ZNF564: variants seen among roughly 807,000 people sequenced by gnomAD.
ZNF564 encodes the protein zinc finger protein 564.
ZNF564 carries 5 observed loss-of-function variants against 10.5 expected under a neutral mutation model. The ratio of observed to expected loss-of-function variants is 0.48; its 90% CI spans 0.25 to 1.00. ZNF564 has a LOEUF of 1.00. Among genes scored for constraint, ZNF564 ranks in the 50% least tolerant of loss-of-function variants. ZNF564 has a pLI of 0.16. For synonymous variants in ZNF564, 242 were observed against 218.1 expected (o/e 1.11, Z -0.97); for missense variants, 603 against 669.7 (o/e 0.90, Z 1.10).
intron 1 of ZNF564, among the ~76,000 whole-genome samples, chr19:12,539,642 T>C (rs1344834477): frequency 6.9e-6 from 1 of 144,620 alleles, no homozygotes; most frequent in Non-Finnish European, 1.5e-5. Flanking sequence ...CACTCCAGCC[T>C]GGGCGACAGA....
chr19:12,538,212 G>A (rs1023973843), intron 1 of ZNF564, among the ~76,000 whole-genome samples: 6 of 151,772 alleles, frequency 4.0e-5, no homozygotes, highest in South Asian at 2.1e-4. Flanking sequence ...ATATTAGCTC[G>A]GTGCAGTGGC....
Position 12,525,845 on chromosome 19 carries a change from T to TAGTG in ZNF564, c.*600_*601insCACT, listed in dbSNP as rs1389756744. 6.6e-6 allele frequency: 1 copy of TAGTG among 152,460 alleles called. No homozygotes were observed. The highest frequency in any genetic ancestry group is 1.5e-5 in the Non-Finnish European group (1 of 68,282). 9.4% of individuals were successfully genotyped at this position (152,460 alleles called of 1,614,324 possible). ...GGTTCAAAGATAGCTATCTTCTCAC[T>TAGTG]GCACCCTCTCATGGTGAAGGGCAAA... On this transcript the variant is annotated 3_prime_UTR_variant, in exon 4 of 4. Coordinates refer to ENST00000339282, the MANE Select transcript of ZNF564 (RefSeq NM_144976.4).
chr19:12,548,064 T>G, intron 1 of ZNF564: 1 of 699,704 alleles, frequency 1.4e-6, no homozygotes, highest in Non-Finnish European at 1.8e-6. Flanking sequence ...CACCTCAGCC[T>G]CCCAAAGGGC....
rs937910989 is a variant in ZNF564 at position 12,527,296 on chromosome 19, T to C, written c.812A>G (p.His271Arg). Residue 271 changes from histidine (H) to arginine (R), a missense_variant, in exon 4 of 4, where the codon CAT becomes CGT. His to Arg is a conservative substitution (Grantham distance 29, BLOSUM62 0). Coordinates refer to ENST00000339282, the MANE Select transcript of ZNF564 (RefSeq NM_144976.4). ...AFDRPSLFRI[H>R]ERTHTGEKPH... ...TTTCTCTCCAGTATGAGTTCTTTCA[T>C]GTATTCGAAATAAACTGGGGCGGTC... 1 of 1,614,070 alleles carries C rather than the reference T, an allele frequency of 6.2e-7. No homozygotes were observed. The highest frequency in any genetic ancestry group is 8.5e-7 in the Non-Finnish European group (1 of 1,180,008).
At position 12,526,901 on chromosome 19, in the gene ZNF564, C is replaced by CA. The variant is rs1401488190; in HGVS notation, c.1206dup (p.Asp403Ter). 1 of 1,613,936 alleles carries CA rather than the reference C, an allele frequency of 6.2e-7. No individual in the cohort carries two copies. The highest frequency in any genetic ancestry group is 1.7e-5 in the Admixed American group (1 of 59,992). ...TGTATTTGAAATGAACTGGGACAGT[C>CA]AAAGGCTCTACCACATACCTGACAT... On this transcript the variant is annotated frameshift_variant, in exon 4 of 4. Coordinates refer to ENST00000339282, the MANE Select transcript of ZNF564 (RefSeq NM_144976.4). LOFTEE classifies it low-confidence loss of function (END_TRUNC).
At chr19:12,537,045 TG>T (rs1330516715) in intron 1 of ZNF564, among the ~76,000 whole-genome samples, 2 of 152,236 alleles carry the variant, frequency 1.3e-5, no homozygotes, top group Non-Finnish European at 2.9e-5. Flanking sequence ...TTTCCTATTA[TG>T]GACTTCCATA....
intron 1 of ZNF564, among the ~76,000 whole-genome samples, chr19:12,535,182 T>C (rs2021885185): frequency 6.6e-6 from 1 of 151,840 alleles, no homozygotes; most frequent in African/African-American, 2.4e-5. Context: ...GAGACCAGCC[T>C]GACCAAACGG....
chr19:12,548,345 C>G (rs1218548731), intron 1 of ZNF564, among the ~76,000 whole-genome samples: 1 of 151,568 alleles, frequency 6.6e-6, no homozygotes, highest in Non-Finnish European at 1.5e-5. Flanking sequence ...AGCCACCCAG[C>G]AGCTGGGACT....
rs897583666 is a variant in ZNF564 at position 12,551,347 on chromosome 19, G to A, written c.-15C>T. On this transcript the variant is annotated 5_prime_UTR_variant, in exon 1 of 4. Coordinates refer to ENST00000339282, the MANE Select transcript of ZNF564 (RefSeq NM_144976.4). ...ACACGCACCATTTCCTGGCTTCCAG[G>A]GTGTCCCGGGGTCCTGCCTACGGCT... 1.2e-6 allele frequency: 2 copies of A among 1,603,730 alleles called. No homozygotes were observed. The highest frequency in any genetic ancestry group is 2.7e-5 in the African/African-American group (2 of 74,482).
At chr19:12,539,011 T>C (rs1419522340) in intron 1 of ZNF564, among the ~76,000 whole-genome samples, 4 of 148,516 alleles carry the variant, frequency 2.7e-5, no homozygotes, top group African/African-American at 1.0e-4. Flanking sequence ...GTGGATCACC[T>C]GAGGTCAGGA....
At chr19:12,536,688 T>C (rs1429446152) in intron 1 of ZNF564, among the ~76,000 whole-genome samples, 2 of 152,250 alleles carry the variant, frequency 1.3e-5, no homozygotes, top group East Asian at 1.9e-4. Context: ...ATCCATGGTA[T>C]TGTGGACTTC....
intron 1 of ZNF564, among the ~76,000 whole-genome samples, chr19:12,542,604 T>A (rs1013704464): frequency 1.5e-5 from 2 of 136,952 alleles, no homozygotes; most frequent in Non-Finnish European, 3.0e-5. Context: ...CCTGGTGACA[T>A]AGGGGGACCA....
intron 1 of ZNF564, chr19:12,530,066 A>G (rs2021771381): frequency 6.5e-6 from 1 of 152,770 alleles, no homozygotes. Context: ...GAATAAATAA[A>G]TATACACTGA....
intron 1 of ZNF564, among the ~76,000 whole-genome samples, chr19:12,537,768 GAAAAT>G: frequency 6.6e-6 from 1 of 150,376 alleles, no homozygotes; most frequent in Admixed American, 6.6e-5. Flanking sequence ...AAAAAGAAAA[GAAAAT>G]GTTTTCTTAA....
At chr19:12,533,219 C>A (rs1288673119) in intron 1 of ZNF564, among the ~76,000 whole-genome samples, 1 of 152,172 alleles carries the variant, frequency 6.6e-6, no homozygotes, top group African/African-American at 2.4e-5. Flanking sequence ...GTTACCAACT[C>A]CCCCAAATCT....
In ZNF564 at chr19:12,551,311, C is replaced by A. The variant is rs199910266; in HGVS notation, c.3+19G>T. 2.3e-5 allele frequency: 37 copies of A among 1,606,260 alleles called. 1 individual carries two copies. In the South Asian group the frequency reaches 3.8e-4, roughly 16 times the overall value. ...AAGCCCCTCCCCCAGTCTCCAGGCG[C>A]CCGGCCCCGCACACGCACCATTTCC... On this transcript the variant is annotated intron_variant, in intron 1 of 3. Coordinates refer to ENST00000339282, the MANE Select transcript of ZNF564 (RefSeq NM_144976.4).
At chr19:12,546,511 G>T (rs530298383) in intron 1 of ZNF564, among the ~76,000 whole-genome samples, 1 of 152,018 alleles carries the variant, frequency 6.6e-6, no homozygotes, top group Non-Finnish European at 1.5e-5. Flanking sequence ...GACGGATCAC[G>T]AGGTCAAGAA....
intron 1 of ZNF564, among the ~76,000 whole-genome samples, chr19:12,540,714 C>T (rs1183911289): frequency 3.3e-5 from 5 of 151,814 alleles, no homozygotes; most frequent in East Asian, 3.9e-4. Flanking sequence ...ATTAGCCGGG[C>T]GTGGTGGCGG....
At chr19:12,542,031 A>AG (rs1224355399) in intron 1 of ZNF564, among the ~76,000 whole-genome samples, 39 of 142,600 alleles carry the variant, frequency 2.7e-4, no homozygotes, top group Non-Finnish European at 5.7e-4. Flanking sequence ...AAAAAAAAAA[A>AG]AAAGAAATGC....
Sources: gnomAD v4.1 joint callset for allele counts (sites outside exome capture counted in the v4.1 genomes callset) on GRCh38, gnomAD v4.1.1 for gene constraint, MANE v1.5 for transcripts, NCBI Gene and HGNC (gene_info 2026-07-23, HGNC 2026-07-21) for gene names.